The following CRACR2A variants were observed in gnomAD, a reference collection of about 807,000 sequenced individuals.
CRACR2A encodes the protein EF-hand calcium-binding domain-containing protein 4B.
CRACR2A carries 79 observed loss-of-function variants against 90.5 expected under a neutral mutation model. The ratio of observed to expected loss-of-function variants is 0.87; its 90% CI spans 0.73 to 1.05. CRACR2A has a LOEUF of 1.05. CRACR2A is among the 50% of genes least tolerant of loss of function. CRACR2A has a pLI of 0.00. For missense variants in CRACR2A, 823 were observed against 897.2 expected, an observed-to-expected ratio of 0.92 and a Z score of 1.06; for synonymous variants, 338 against 356.7, an observed-to-expected ratio of 0.95 and a Z score of 0.59.
chr12:3,624,513 C>T (rs2137291462), intron 17 of CRACR2A, among the ~76,000 whole-genome samples: 1 of 152,278 alleles, frequency 6.6e-6, no homozygotes, highest in South Asian at 2.1e-4. Context: ...TTTATGATGC[C>T]ACCGTTCCAC....
chr12:3,693,579 CT>C (rs1945689139), intron 4 of CRACR2A, among the ~76,000 whole-genome samples: 1 of 152,142 alleles, frequency 6.6e-6, no homozygotes, highest in Non-Finnish European at 1.5e-5. Flanking sequence ...CTCAGTTTGG[CT>C]GGATATGAAA....
intron 2 of CRACR2A, among the ~76,000 whole-genome samples, chr12:3,714,537 G>A (rs1222305816): frequency 6.6e-6 from 1 of 152,122 alleles, no homozygotes. Context: ...GCCCTGTCTT[G>A]CCCCCACTGC....
rs1023406517 is a variant in CRACR2A, at chr12:3,672,888, G to A, written c.671+558C>T. The A allele has an allele frequency of 3.9e-6, 3 of 766,418 alleles. No homozygotes were observed. In the South Asian group the frequency reaches 1.8e-4, roughly 45 times the overall value. The allele number at this position is 766,418 out of a possible 1,614,324, so 47.5% of individuals were successfully genotyped here. On this transcript the variant is annotated intron_variant, in intron 7 of 19. Transcript: ENST00000440314. The stretch of plus-strand genomic sequence containing the variant: ...AGACATGAGGCCGTGACGGGAGAGA[G>A]CGGCCAGGAGGAGGGACATTCAGCA...
At chr12:3,629,859 G>C (rs563657631) in intron 15 of CRACR2A, among the ~76,000 whole-genome samples, 12 of 137,376 alleles carry the variant, frequency 8.7e-5, no homozygotes, top group South Asian at 2.5e-4. Flanking sequence ...GGGGGGGGGG[G>C]GATGAAGAGG....
At chr12:3,748,849 G>A (rs947209516) in intron 1 of CRACR2A, among the ~76,000 whole-genome samples, 2 of 152,148 alleles carry the variant, frequency 1.3e-5, no homozygotes, top group South Asian at 2.1e-4. Context: ...TATGTCATCC[G>A]GATGACGTCA....
chr12:3,725,326 G>T (rs1251762223), intron 2 of CRACR2A, among the ~76,000 whole-genome samples: 1 of 152,162 alleles, frequency 6.6e-6, no homozygotes, highest in Non-Finnish European at 1.5e-5. Flanking sequence ...CCCTCTAAAG[G>T]CTCCTGCAGA....
chr12:3,678,458 G>A (rs1446400701), intron 6 of CRACR2A, among the ~76,000 whole-genome samples: 1 of 152,164 alleles, frequency 6.6e-6, no homozygotes, highest in East Asian at 1.9e-4. Flanking sequence ...CCACAGCTGG[G>A]GCAGCTGGGA....
chr12:3,660,829 AACACACACACACACACAC>A (rs58293233), intron 7 of CRACR2A, among the ~76,000 whole-genome samples: 2,306 of 119,666 alleles, frequency 0.019, 37 homozygotes, highest in Non-Finnish European at 0.025. Context: ...CTGAACATGC[AACACACACACACACACAC>A]ACACACACAC....
chr12:3,690,529 T>G (rs1370680681), intron 4 of CRACR2A, among the ~76,000 whole-genome samples: 1 of 152,206 alleles, frequency 6.6e-6, no homozygotes, highest in Admixed American at 6.5e-5. Context: ...ACAGAGTGGT[T>G]GTTATGATTT....
chr12:3,667,935 A>G (rs909972097), intron 7 of CRACR2A, among the ~76,000 whole-genome samples: 3 of 152,264 alleles, frequency 2.0e-5, no homozygotes, highest in African/African-American at 7.2e-5. Context: ...AAAGGCTGTG[A>G]AATTGCCGAT....
At chr12:3,678,698 G>GA (rs971647422) in intron 6 of CRACR2A, among the ~76,000 whole-genome samples, 15 of 150,830 alleles carry the variant, frequency 9.9e-5, no homozygotes, top group Non-Finnish European at 1.5e-4. Context: ...GATTCCTAAA[G>GA]AAAAAAAAAT....
intron 4 of CRACR2A, among the ~76,000 whole-genome samples, chr12:3,683,647 T>A (rs527702814): frequency 1.5e-4 from 23 of 152,206 alleles, no homozygotes; most frequent in Non-Finnish European, 2.5e-4. Context: ...CTTTCCCAAT[T>A]AGCATTTTAT....
At chr12:3,621,669 A>C (rs1055525550) in intron 17 of CRACR2A, among the ~76,000 whole-genome samples, 3 of 144,366 alleles carry the variant, frequency 2.1e-5, no homozygotes, top group East Asian at 2.0e-4. Flanking sequence ...AAAAAAAAAA[A>C]AAAAAAAAAA....
chr12:3,678,570 T>A (rs528739874), intron 6 of CRACR2A, among the ~76,000 whole-genome samples: 1 of 151,864 alleles, frequency 6.6e-6, no homozygotes, highest in Non-Finnish European at 1.5e-5. Context: ...GAGAGCATGG[T>A]ACAGACCTCT....
intron 1 of CRACR2A, among the ~76,000 whole-genome samples, chr12:3,735,084 A>T (rs200653525): frequency 0.16 from 23,800 of 151,986 alleles, 2,054 homozygotes; most frequent in African/African-American, 0.2. Context: ...TATAAAAAAA[A>T]TTTTCTCTTT....
intron 2 of CRACR2A, among the ~76,000 whole-genome samples, chr12:3,716,916 A>T (rs764676469): frequency 3.4e-5 from 5 of 149,038 alleles, no homozygotes; most frequent in Admixed American, 6.9e-5. Flanking sequence ...CAATTTTGAA[A>T]TTCTTGTATT....
chr12:3,632,201 C>T (rs550660051), intron 15 of CRACR2A, among the ~76,000 whole-genome samples: 15 of 152,300 alleles, frequency 9.8e-5, no homozygotes, highest in African/African-American at 3.4e-4. Flanking sequence ...TGCCTGCTTT[C>T]CCTTTACCTT....
chr12:3,664,050 C>T (rs1225422095), intron 7 of CRACR2A, among the ~76,000 whole-genome samples: 1 of 152,212 alleles, frequency 6.6e-6, no homozygotes, highest in Non-Finnish European at 1.5e-5. Context: ...TTTCAATGAC[C>T]TTCCAAGTTT....
chr12:3,660,885 CACAA>C (rs1275099096), intron 7 of CRACR2A, among the ~76,000 whole-genome samples: 4 of 112,614 alleles, frequency 3.6e-5, no homozygotes, highest in African/African-American at 6.9e-5. Flanking sequence ...CACACACACA[CACAA>C]TTTTGGCCCC....
Sources: gnomAD v4.1 joint callset for allele counts (sites outside exome capture counted in the v4.1 genomes callset) on GRCh38, gnomAD v4.1.1 for gene constraint, MANE v1.5 for transcripts, NCBI Gene and HGNC (gene_info 2026-07-23, HGNC 2026-07-21) for gene names.